SELENON: variants seen among roughly 807,000 people sequenced by gnomAD.
The protein encoded by SELENON is selenoprotein N, 1.
Under a neutral mutation model 59.5 loss-of-function variants are expected in SELENON, and 44 were observed. The observed-to-expected ratio is 0.74, with a 90% confidence interval of 0.58 to 0.95. The LOEUF is 0.95. Among genes scored for constraint, SELENON ranks in the 40% least tolerant of loss-of-function variants. The pLI, the probability that SELENON is intolerant of heterozygous loss-of-function variation, is 0.00. For missense variants in SELENON, 674 were observed against 721.4 expected (o/e 0.93, Z 0.75); for synonymous variants, 320 against 305.6 (o/e 1.05, Z -0.49).
intron 10 of SELENON, 77 bp downstream of exon 9, chr1:25,812,869 A>G: frequency 3.6e-6 from 4 of 1,108,344 alleles, no homozygotes; most frequent in African/African-American, 1.6e-5. Flanking sequence ...TCTGAGACCA[A>G]TGGGACTCTT....
At position 25,811,753 on chromosome 1, in the gene SELENON, G is replaced by T. The variant is rs767007820; in HGVS notation, c.1155G>T (p.Met385Ile). The change falls in exon 9 of 13, where the codon ATG becomes ATT. Residue 385 changes from methionine (M) to isoleucine (I), a missense_variant. Coordinates refer to ENST00000361547, the MANE Select transcript of SELENON (RefSeq NM_020451.3). ...TGATCCTGGATGAGGATGGCAGCAT[G>T]ATCGACAGCCACCTGCCTTCAGGGG... The T allele has an allele frequency of 6.3e-7, 1 of 1,599,710 alleles. No homozygotes were observed. Among genetic ancestry groups the T allele is most frequent in the Non-Finnish European group, 8.5e-7 (1 of 1,173,594 alleles).
At chr1:25,810,312 C>T (rs2047947214) in intron 7 of SELENON, among the ~76,000 whole-genome samples, 1 of 152,264 alleles carries the variant, frequency 6.6e-6, no homozygotes, top group Non-Finnish European at 1.5e-5. Flanking sequence ...TCCACTGCTG[C>T]AGAGCCCCAG....
rs138259627 is a variant in SELENON, at chr1:25,814,143, G to A, written c.1567G>A (p.Val523Met). The A allele has an allele frequency of 2.4e-5, 38 of 1,614,162 alleles. No homozygotes were observed. The highest frequency in any genetic ancestry group is 5.3e-5 in the African/African-American group (4 of 75,056). ...GCACCTGGAGAAGTACAGCTTCCCC[G>A]TGGAGATGATGATCTGCCTGCCCAA... Residue 523 changes from valine to methionine, a missense_variant, in exon 12 of 13, where the codon GTG becomes ATG. By Grantham distance (21) the Val-to-Met change is conservative (BLOSUM62 1). Transcript: ENST00000361547.
chr1:25,815,404 C>T (rs1032328327), intron 12 of SELENON, 144 bp from the exon 12 acceptor site: 19 of 714,654 alleles, frequency 2.7e-5, no homozygotes, highest in Admixed American at 6.6e-5. Context: ...CGAGGGCTTA[C>T]GGCAGCACTG....
At position 25,815,539 on chromosome 1, in the gene SELENON, T is replaced by C. The variant is rs376978932; in HGVS notation, c.1603-9T>C. 1 of 1,613,822 alleles carries C rather than the reference T, an allele frequency of 6.2e-7. No individual in the cohort carries two copies. Among genetic ancestry groups the C allele is most frequent in the East Asian group, 2.2e-5 (1 of 44,870 alleles). On this transcript the variant is annotated splice_polypyrimidine_tract_variant and intron_variant, in intron 12 of 12. Transcript: ENST00000361547. The stretch of plus-strand genomic sequence containing the variant: ...CCGCCCCACTTGCCTCACCCGGCCC[T>C]TCTCCCAGGTCCATCACATCAATGC...
rs1006838174 is a variant in SELENON, at chr1:25,807,026, G to A, written c.538-1554G>A. On this transcript the variant is annotated intron_variant, in intron 4 of 12. Coordinates refer to ENST00000361547, the MANE Select transcript of SELENON (RefSeq NM_020451.3). This position sits in a 1 kb window ranked among gnomAD's most constrained non-coding sequence, Gnocchi z 4.5. ...TTTAGTAGAGACGGGGTTTCACCATGTTGACCAGGATGGTTTCAATCTCCT... is the reference window on the plus strand; with the variant it reads ...TTTAGTAGAGACGGGGTTTCACCATATTGACCAGGATGGTTTCAATCTCCT... Among the ~76,000 whole-genome samples the A allele has an allele frequency of 3.9e-5, 6 of 152,078 alleles. No homozygotes were observed. Among genetic ancestry groups the A allele is most frequent in the African/African-American group, 7.2e-5 (3 of 41,398 alleles).
chr1:25,808,557 A>T, intron 4 of SELENON, 23 bp from the exon 4 acceptor site: 1 of 1,611,826 alleles, frequency 6.2e-7, no homozygotes, highest in East Asian at 2.2e-5. Flanking sequence ...AGATTCCTGG[A>T]GCTTTGCTTT....
chr1:25,805,328 G>C, intron 4 of SELENON, 53 bp downstream of exon 3: 1 of 1,611,226 alleles, frequency 6.2e-7, no homozygotes. Context: ...CCGAAGATGA[G>C]TTTCTGCTCC....
chr1:25,811,020 G>A (rs113248357), intron 7 of SELENON, among the ~76,000 whole-genome samples: 141 of 152,318 alleles, frequency 9.3e-4, no homozygotes, highest in Middle Eastern at 3.4e-3. Flanking sequence ...GGGCTCCCTC[G>A]TGCGGCGGAT....
In SELENON at chr1:25,812,776, T is replaced by TG. The variant is rs771987423; in HGVS notation, c.1372dup (p.Asp458GlyfsTer?). On this transcript the variant is annotated frameshift_variant, in exon 10 of 13. Coordinates refer to ENST00000361547, the MANE Select transcript of SELENON (RefSeq NM_020451.3). LOFTEE classifies it high-confidence loss of function. The stretch of plus-strand genomic sequence containing the variant: ...CAATCCTGCTGTGGGGGGCCCTGGA[T>TG]GACCAGTCCTGCTGAGGTGAGGGGC... The TG allele has an allele frequency of 6.2e-7, 1 of 1,613,088 alleles. No individual in the cohort carries two copies. The highest frequency in any genetic ancestry group is 1.7e-5 in the Admixed American group (1 of 59,964).
chr1:25,806,642 TGAG>T (rs143659861), intron 4 of SELENON, among the ~76,000 whole-genome samples: 33 of 152,162 alleles, frequency 2.2e-4, no homozygotes, highest in African/African-American at 7.7e-4. Flanking sequence ...ATGTTGAAGT[TGAG>T]GTCCCCAGGG....
intron 7 of SELENON, among the ~76,000 whole-genome samples, chr1:25,810,828 G>A (rs1231236410): frequency 2.0e-5 from 3 of 152,212 alleles, no homozygotes; most frequent in African/African-American, 7.2e-5. Flanking sequence ...TCCATCGCAG[G>A]GTTGTTGAGG....
intron 2 of SELENON, 75 bp downstream of exon 2, chr1:25,801,235 C>T: frequency 8.6e-7 from 1 of 1,169,276 alleles, no homozygotes; most frequent in Non-Finnish European, 1.3e-6. Flanking sequence ...GAGCGGCCGT[C>T]TGGAGTGGAG....
At chr1:25,808,105 G>A (rs987946055) in intron 4 of SELENON, among the ~76,000 whole-genome samples, 12 of 152,246 alleles carry the variant, frequency 7.9e-5, no homozygotes, top group African/African-American at 2.7e-4. Flanking sequence ...TAGTCCCTGG[G>A]AGGAGACTTG....
chr1:25,805,845 C>T (rs2047901898), intron 4 of SELENON, among the ~76,000 whole-genome samples: 1 of 152,058 alleles, frequency 6.6e-6, no homozygotes, highest in South Asian at 2.1e-4. Flanking sequence ...CTTGCCAGCC[C>T]CTCCCCAACC....
intron 9 of SELENON, 149 bp downstream of exon 8, chr1:25,812,028 C>A: frequency 2.3e-6 from 2 of 855,422 alleles, no homozygotes; most frequent in Non-Finnish European, 3.7e-6. Context: ...GCCAGCGGGG[C>A]CTCCCCGCTG....
rs562771647 is a variant in SELENON, at chr1:25,809,254, C to T, written c.872+104C>T. 83 of 1,536,636 alleles carry T rather than the reference C, an allele frequency of 5.4e-5. 1 individual carries two copies. In the Admixed American group the frequency reaches 6.6e-4, roughly 12 times the overall value. On this transcript the variant is annotated intron_variant, in intron 6 of 12. Coordinates refer to ENST00000361547, the MANE Select transcript of SELENON (RefSeq NM_020451.3). ...AGCCCCCCAGCTCCACCTCTCCTCCCACTGCCGTCTTGGGCAAGCAGCTTT... is the reference window on the plus strand; with the variant it reads ...AGCCCCCCAGCTCCACCTCTCCTCCTACTGCCGTCTTGGGCAAGCAGCTTT...
chr1:25,808,541 G>T (rs538843809), intron 4 of SELENON, 39 bp from the exon 4 acceptor site: 17 of 1,608,778 alleles, frequency 1.1e-5, no homozygotes, highest in Non-Finnish European at 1.4e-5. Context: ...CCGGAGTCAG[G>T]TTCTCAGATT....
Position 25,809,013 on chromosome 1 carries a change from C to G in SELENON, c.748-13C>G. 6.2e-7 allele frequency: 1 copy of G among 1,613,540 alleles called. No individual in the cohort carries two copies. Among genetic ancestry groups the G allele is most frequent in the Non-Finnish European group, 8.5e-7 (1 of 1,179,986 alleles). On this transcript the variant is annotated splice_polypyrimidine_tract_variant and intron_variant, in intron 5 of 12. Coordinates refer to ENST00000361547, the MANE Select transcript of SELENON (RefSeq NM_020451.3). The stretch of plus-strand genomic sequence containing the variant: ...GACCCAGCAAGCCAGTACGTGCCTC[C>G]CGCCGCCCCCAGGTCATCATCCACC...
Sources: allele counts gnomAD v4.1 joint callset (sites outside exome capture counted in the v4.1 genomes callset), GRCh38; gene constraint gnomAD v4.1.1; non-coding constraint Gnocchi (gnomAD v3.1); transcripts MANE v1.5; gene names NCBI Gene and HGNC (gene_info 2026-07-23, HGNC 2026-07-21).